Variants in PDE1A observed in about 807,000 individuals in gnomAD.
PDE1A encodes the protein dual specificity calcium/calmodulin-dependent 3',5'-cyclic nucleotide phosphodiesterase 1A.
PDE1A carries 35 observed loss-of-function variants against 61.7 expected under a neutral mutation model. That is an observed-to-expected ratio of 0.57 (90% CI 0.43 to 0.75). PDE1A has a LOEUF of 0.75. Ranked by LOEUF, PDE1A falls within the 30% of genes least tolerant of loss-of-function variation. The probability of loss-of-function intolerance (pLI) is 0.00; values close to 1 mark genes in which losing one functional copy is unlikely to be tolerated. For synonymous variants in PDE1A, 232 were observed against 213.2 expected, an observed-to-expected ratio of 1.09 and a Z score of -0.77; for missense variants, 597 against 630.6, an observed-to-expected ratio of 0.95 and a Z score of 0.57.
Position 182,461,988 on chromosome 2 carries a change from C to T in PDE1A, c.101+60288G>A, listed in dbSNP as rs181037789. On this transcript the variant is annotated intron_variant, in intron 2 of 14. Coordinates refer to the PDE1A transcript ENST00000410103. ...GTTGCATGCTTATCTGTTAATCCAG[C>T]GAGATAGACAATGCTTGCTGGATTA... is the stretch of plus-strand genomic sequence containing the variant. 4.4e-3 allele frequency among the ~76,000 whole-genome samples: 675 copies of T among 152,168 alleles called. 4 individuals are homozygous for T. The highest frequency in any genetic ancestry group is 7.6e-3 in the Non-Finnish European group (518 of 68,010).
intron 2 of PDE1A, among the ~76,000 whole-genome samples, chr2:182,520,229 T>G (rs1257690326): frequency 6.6e-6 from 1 of 151,956 alleles, no homozygotes; most frequent in African/African-American, 2.4e-5. Context: ...TCATTAGTCA[T>G]GCAGATTTTA....
intron 1 of PDE1A, among the ~76,000 whole-genome samples, chr2:182,378,007 C>A (rs10207047): frequency 1.3e-5 from 2 of 151,998 alleles, no homozygotes; most frequent in South Asian, 4.1e-4. Context: ...CCACCTCGCC[C>A]GGCTAATTTT....
Position 182,516,696 on chromosome 2 carries a change from G to A in PDE1A, c.101+5580C>T, listed in dbSNP as rs534353313. Among the ~76,000 whole-genome samples, 711 of 99,694 alleles carry A rather than the reference G, an allele frequency of 7.1e-3. 9 individuals carry two copies. Among genetic ancestry groups the A allele is most frequent in the African/African-American group, 0.029 (685 of 23,490 alleles). 65.4% of individuals were successfully genotyped at this position (99,694 alleles called of 152,430 possible). ...GGGAAGGAGGGAAGGAGGGAAGGGA[G>A]GAAGGGAGGAAGGAAGGAAGGAAGG... On this transcript the variant is annotated intron_variant, in intron 2 of 14. Transcript: ENST00000410103.
At chr2:182,648,254 G>A in the PDE1A span, among the ~76,000 whole-genome samples, 1 of 152,080 alleles carries the variant, frequency 6.6e-6, no homozygotes, top group Non-Finnish European at 1.5e-5. Context: ...AGCCTTGCGA[G>A]TAGTAAGCCT....
In PDE1A at chr2:182,485,601, G is replaced by A. The variant is rs548909534; in HGVS notation, c.101+36675C>T. On this transcript the variant is annotated intron_variant, in intron 2 of 14. Coordinates refer to the PDE1A transcript ENST00000410103. The stretch of plus-strand genomic sequence containing the variant: ...TTGTGAAAGATGCAGAAAACAAAAC[G>A]GTAGCAAACCAAATCTAACAACATA... Among the ~76,000 whole-genome samples the A allele has an allele frequency of 3.3e-5, 5 of 151,882 alleles. No individual in the cohort carries two copies. In the South Asian group the frequency reaches 6.2e-4, roughly 19 times the overall value.
the PDE1A span, among the ~76,000 whole-genome samples, chr2:182,646,685 GAA>G: frequency 1.5e-5 from 2 of 136,046 alleles, no homozygotes. Flanking sequence ...CTCCATCTAG[GAA>G]AAAAAAAAAA....
the PDE1A span, among the ~76,000 whole-genome samples, chr2:182,665,932 TG>T: frequency 6.6e-6 from 1 of 152,232 alleles, no homozygotes; most frequent in South Asian, 2.1e-4. Context: ...TGGATAGAGC[TG>T]GAAGTCATCA....
chr2:182,540,837 T>C, the PDE1A span, among the ~76,000 whole-genome samples: 21 of 152,288 alleles, frequency 1.4e-4, no homozygotes, highest in East Asian at 4.1e-3. Context: ...TACATGACTA[T>C]GTACTTGTAT....
At chr2:182,252,870 T>C (rs1242573865) in intron 2 of PDE1A, among the ~76,000 whole-genome samples, 1 of 152,040 alleles carries the variant, frequency 6.6e-6, no homozygotes, top group East Asian at 1.9e-4. Flanking sequence ...GGAAATGAGA[T>C]AAAAGAGATG....
At chr2:182,409,052 C>T (rs1405996816) in intron 1 of PDE1A, among the ~76,000 whole-genome samples, 4 of 152,194 alleles carry the variant, frequency 2.6e-5, no homozygotes, top group African/African-American at 4.8e-5. Context: ...TTGGTCACTT[C>T]CTGCTCCGAA....
At chr2:182,506,651 G>A (rs1165386109) in intron 2 of PDE1A, among the ~76,000 whole-genome samples, 1 of 152,106 alleles carries the variant, frequency 6.6e-6, no homozygotes, top group East Asian at 1.9e-4. Context: ...TCTTATACTG[G>A]AATGGTTCAG....
the PDE1A span, among the ~76,000 whole-genome samples, chr2:182,631,774 T>G: frequency 1.3e-5 from 2 of 152,254 alleles, no homozygotes; most frequent in African/African-American, 4.8e-5. Flanking sequence ...GACATGGTTT[T>G]CACATGGAAG....
the PDE1A span, among the ~76,000 whole-genome samples, chr2:182,684,134 A>AC: frequency 6.6e-6 from 1 of 151,722 alleles, no homozygotes; most frequent in East Asian, 1.9e-4. Flanking sequence ...AAAAAAAAAA[A>AC]AAAAAAGAAA....
chr2:182,647,795 T>C, the PDE1A span, among the ~76,000 whole-genome samples: 1 of 152,100 alleles, frequency 6.6e-6, no homozygotes, highest in South Asian at 2.1e-4. Context: ...TGTAGAAAAA[T>C]TGGCTTTCGA....
At chr2:182,324,781 A>G (rs1220060699) in intron 1 of PDE1A, among the ~76,000 whole-genome samples, 2 of 152,140 alleles carry the variant, frequency 1.3e-5, no homozygotes, top group Admixed American at 1.3e-4. Flanking sequence ...CATTCACTGT[A>G]CAGTTGACTG....
chr2:182,150,038 C>T (rs535756987), intron 13 of PDE1A, among the ~76,000 whole-genome samples: 1 of 152,224 alleles, frequency 6.6e-6, no homozygotes, highest in African/African-American at 2.4e-5. Flanking sequence ...AATTGAAGGT[C>T]TACCTATGTA....
intron 2 of PDE1A, among the ~76,000 whole-genome samples, chr2:182,249,135 C>A (rs890856782): frequency 6.6e-6 from 1 of 152,208 alleles, no homozygotes; most frequent in Admixed American, 6.5e-5. Context: ...GAAACCTCAG[C>A]CCCCAAGTAC....
intron 10 of PDE1A, among the ~76,000 whole-genome samples, chr2:182,195,641 T>A (rs34758055): frequency 0.013 from 1,911 of 152,220 alleles, 26 homozygotes; most frequent in South Asian, 0.027. Flanking sequence ...GCCAGTGGAA[T>A]TTAAGACACA....
In PDE1A at chr2:182,451,311, G is replaced by A. The variant is rs1295878865; in HGVS notation, c.101+70965C>T. On this transcript the variant is annotated intron_variant, in intron 2 of 14. Transcript: ENST00000410103. ...GGAGAATGGCGTGAACCCGGGAGGC[G>A]GAGCTTGCAGTGAGCCGAGATCCCG... is the stretch of plus-strand genomic sequence containing the variant. Among the ~76,000 whole-genome samples, 6 of 19,182 alleles carry A rather than the reference G, an allele frequency of 3.1e-4. 1 individual carries two copies. The highest frequency in any genetic ancestry group is 1.2e-3 in the African/African-American group (6 of 5,142). 12.6% of individuals were successfully genotyped at this position (19,182 alleles called of 152,430 possible).
Sources: allele counts gnomAD v4.1 joint callset (sites outside exome capture counted in the v4.1 genomes callset), GRCh38; gene constraint gnomAD v4.1.1; transcripts MANE v1.5; gene names NCBI Gene and HGNC (gene_info 2026-07-23, HGNC 2026-07-21).